The following OXNAD1 variants were observed in gnomAD, a reference collection of about 807,000 sequenced individuals.
OXNAD1 encodes the protein oxidoreductase NAD-binding domain-containing protein 1.
Under a neutral mutation model 32.9 loss-of-function variants are expected in OXNAD1, and 34 were observed. The ratio of observed to expected loss-of-function variants is 1.03; its 90% CI spans 0.79 to 1.38. The LOEUF (loss-of-function observed/expected upper bound fraction) is 1.38. Ranked by LOEUF, OXNAD1 falls within the 40% of genes most tolerant of loss-of-function variation. The pLI is 0.00. For missense variants in OXNAD1, 407 were observed against 379.4 expected (o/e 1.07, Z -0.60); for synonymous variants, 134 against 135.2 (o/e 0.99, Z 0.06).
chr3:16,327,498 G>A lies in OXNAD1; in HGVS notation c.*31-9614G>A, dbSNP rs1157813014. ...GCCCCGGCCGGGTGCTGTGGCTCAC[G>A]TCTGTAATCCCAGCACTTTGGGAGG... On this transcript the variant is annotated intron_variant, in intron 9 of 9. Transcript: ENST00000435829. The surrounding 1 kb of genome is among the most constrained non-coding windows in gnomAD (Gnocchi z 4.2). 5.3e-5 allele frequency among the ~76,000 whole-genome samples: 8 copies of A among 152,090 alleles called. No individual in the cohort carries two copies. Among genetic ancestry groups the A allele is most frequent in the Admixed American group, 5.2e-4 (8 of 15,284 alleles).
In OXNAD1 at chr3:16,287,687, A is replaced by G. The variant is rs2066164430; in HGVS notation, c.290+1239A>G. On this transcript the variant is annotated intron_variant, in intron 5 of 8. Coordinates refer to ENST00000285083, the MANE Select transcript of OXNAD1 (RefSeq NM_138381.5). The surrounding 1 kb of genome is among the most constrained non-coding windows in gnomAD (Gnocchi z 4.8). The stretch of plus-strand genomic sequence containing the variant: ...AAGACTCAGACCCAGCCTCCTGGTT[A>G]GGAAAAGCCTGTGCATTGGTTATTG... Among the ~76,000 whole-genome samples, 1 of 152,208 alleles carries G rather than the reference A, an allele frequency of 6.6e-6. No individual in the cohort carries two copies. Among genetic ancestry groups the G allele is most frequent in the South Asian group, 2.1e-4 (1 of 4,830 alleles).
At chr3:16,283,611 A>G (rs2065893364) in intron 4 of OXNAD1, among the ~76,000 whole-genome samples, 1 of 152,134 alleles carries the variant, frequency 6.6e-6, no homozygotes, top group Non-Finnish European at 1.5e-5. Context: ...TGTTGATGTC[A>G]GTTTGTGATT....
chr3:16,268,404 A>G (rs2064703106), intron 1 of OXNAD1, among the ~76,000 whole-genome samples: 2 of 133,076 alleles, frequency 1.5e-5, no homozygotes, highest in Non-Finnish European at 3.1e-5. Flanking sequence ...ATCTTGGCCC[A>G]CTGCAACCTC....
rs6777976 is a variant in OXNAD1, at chr3:16,286,402, C to G, written c.244C>G (p.Arg82Gly). 1.2e-6 allele frequency: 2 copies of G among 1,613,722 alleles called. No homozygotes were observed. Among genetic ancestry groups the G allele is most frequent in the African/African-American group, 2.7e-5 (2 of 74,846 alleles). ...TGAGTCACCGTCAGTGAAGAGCCTC[C>G]GCTTGCTTGTTGCTGATCAAGACTT... is the stretch of plus-strand genomic sequence containing the variant. ...ASESPSVKSLRLLVADQDFSF... is the reference protein window; with the variant it reads ...ASESPSVKSLGLLVADQDFSF... The change falls in exon 5 of 9, where the codon CGC becomes GGC. Residue 82 changes from arginine to glycine, a missense_variant. Transcript: ENST00000285083.
chr3:16,279,683 CA>C (rs1559735266), intron 4 of OXNAD1, among the ~76,000 whole-genome samples: 1 of 151,748 alleles, frequency 6.6e-6, no homozygotes, highest in Non-Finnish European at 1.5e-5. Context: ...TTCTTGGAGC[CA>C]GGGGGAAAAG....
Position 16,335,600 on chromosome 3 carries a change from G to T in OXNAD1, c.*31-1512G>T, listed in dbSNP as rs1224242534. 2.0e-5 allele frequency among the ~76,000 whole-genome samples: 3 copies of T among 152,114 alleles called. No homozygotes were observed. Among genetic ancestry groups the T allele is most frequent in the Non-Finnish European group, 2.9e-5 (2 of 68,014 alleles). ...TGAAAACACATGGACACATGGTGGG[G>T]AGCAACACACACTGGGACCTGTTGG... On this transcript the variant is annotated intron_variant, in intron 9 of 9. Coordinates refer to the OXNAD1 transcript ENST00000435829. The surrounding 1 kb of genome is among the most constrained non-coding windows in gnomAD (Gnocchi z 4.7).
At chr3:16,282,820 C>CTTTTTTTTT (rs11379565) in intron 4 of OXNAD1, among the ~76,000 whole-genome samples, 2 of 72,012 alleles carry the variant, frequency 2.8e-5, no homozygotes, top group Non-Finnish European at 4.9e-5. Context: ...GGACTTTCAG[C>CTTTTTTTTT]TTTTTTTTTT....
Position 16,297,524 on chromosome 3 carries a change from T to G in OXNAD1, c.432+2527T>G, listed in dbSNP as rs2066883714. Among the ~76,000 whole-genome samples, 1 of 152,204 alleles carries G rather than the reference T, an allele frequency of 6.6e-6. No homozygotes were observed. The highest frequency in any genetic ancestry group is 1.5e-5 in the Non-Finnish European group (1 of 68,032). ...GTGTCTTAGAGAAATGAAGGCTATG[T>G]TTATATAAAAGCATAACATGAATAT... On this transcript the variant is annotated intron_variant, in intron 6 of 8. Coordinates refer to ENST00000285083, the MANE Select transcript of OXNAD1 (RefSeq NM_138381.5). This position sits in a 1 kb window ranked among gnomAD's most constrained non-coding sequence, Gnocchi z 4.3.
In OXNAD1 at chr3:16,298,533, G is replaced by T. The variant is rs191017590; in HGVS notation, c.433-3093G>T. Among the ~76,000 whole-genome samples, 64 of 152,248 alleles carry T rather than the reference G, an allele frequency of 4.2e-4. No homozygotes were observed. The highest frequency in any genetic ancestry group is 1.5e-3 in the African/African-American group (61 of 41,540). On this transcript the variant is annotated intron_variant, in intron 6 of 8. Transcript: ENST00000285083. This position sits in a 1 kb window ranked among gnomAD's most constrained non-coding sequence, Gnocchi z 5.1. ...CTCTGCCCAGTGGGAGTTGCAAACA[G>T]CCTTTATGAAGTCAGATTTTTCTTG...
At chr3:16,296,809 C>A (rs2066832478) in intron 6 of OXNAD1, among the ~76,000 whole-genome samples, 1 of 152,140 alleles carries the variant, frequency 6.6e-6, no homozygotes, top group Admixed American at 6.5e-5. Flanking sequence ...CAAAAACCTT[C>A]AACCTAAACC....
Position 16,297,300 on chromosome 3 carries a change from C to T in OXNAD1, c.432+2303C>T, listed in dbSNP as rs528742539. On this transcript the variant is annotated intron_variant, in intron 6 of 8. Transcript: ENST00000285083. The surrounding 1 kb of genome is among the most constrained non-coding windows in gnomAD (Gnocchi z 4.3). Reference sequence around the variant, plus strand: ...AACCATATGTGGTGGGATGCCACTACGATCTAGTCTAATGTCTAAAATTAA... The same window carrying T: ...AACCATATGTGGTGGGATGCCACTATGATCTAGTCTAATGTCTAAAATTAA... Among the ~76,000 whole-genome samples, 2 of 152,124 alleles carry T rather than the reference C, an allele frequency of 1.3e-5. No individual in the cohort carries two copies. Among genetic ancestry groups the T allele is most frequent in the Non-Finnish European group, 1.5e-5 (1 of 68,028 alleles).
At chr3:16,333,972 G>A (rs1444966912) in intron 9 of OXNAD1, among the ~76,000 whole-genome samples, 4 of 152,102 alleles carry the variant, frequency 2.6e-5, no homozygotes, top group Non-Finnish European at 5.9e-5. Context: ...GAGACCATCC[G>A]GGCTAACACG....
rs1027699940 is a variant in OXNAD1 at position 16,327,359 on chromosome 3, A to G, written c.*31-9753A>G. Reference sequence around the variant, plus strand: ...ATCCACATGTGTGTGTACACGCAGAAGCTGCTTTGCCTGTGTTATGTGCCC... The same window carrying G: ...ATCCACATGTGTGTGTACACGCAGAGGCTGCTTTGCCTGTGTTATGTGCCC... On this transcript the variant is annotated intron_variant, in intron 9 of 9. Coordinates refer to the OXNAD1 transcript ENST00000435829. The surrounding 1 kb of genome is among the most constrained non-coding windows in gnomAD (Gnocchi z 4.2). Among the ~76,000 whole-genome samples, 1 of 152,216 alleles carries G rather than the reference A, an allele frequency of 6.6e-6. No individual in the cohort carries two copies. Among genetic ancestry groups the G allele is most frequent in the Non-Finnish European group, 1.5e-5 (1 of 68,036 alleles).
chr3:16,326,233 T>A (rs902806157), intron 9 of OXNAD1, among the ~76,000 whole-genome samples: 1 of 152,226 alleles, frequency 6.6e-6, no homozygotes, highest in African/African-American at 2.4e-5. Flanking sequence ...CCTGAAATTA[T>A]AAGGAATGCC....
intron 9 of OXNAD1, among the ~76,000 whole-genome samples, chr3:16,319,642 C>T (rs1412627880): frequency 6.6e-6 from 1 of 152,198 alleles, no homozygotes; most frequent in Non-Finnish European, 1.5e-5. Context: ...CATAGTTTCC[C>T]CTGGATGCCT....
At position 16,312,989 on chromosome 3, in the gene OXNAD1, A is replaced by T. The variant is rs2068073816; in HGVS notation, c.*30+9397A>T. ...TATACTACGCTTCAGTAGCCAATAA[A>T]TCTCAAAATCTCAGTGGCTCACCTT... On this transcript the variant is annotated intron_variant, in intron 9 of 9. Coordinates refer to the OXNAD1 transcript ENST00000435829. This position sits in a 1 kb window ranked among gnomAD's most constrained non-coding sequence, Gnocchi z 4.7. Among the ~76,000 whole-genome samples the T allele has an allele frequency of 6.6e-6, 1 of 152,010 alleles. No individual in the cohort carries two copies. The highest frequency in any genetic ancestry group is 2.1e-4 in the South Asian group (1 of 4,828).
rs11284055 is a variant in OXNAD1 at position 16,271,209 on chromosome 3, GT to G, written c.119+146del. 0.61 allele frequency: 621,694 copies of G among 1,016,096 alleles called. 195,635 individuals are homozygous for G. Among genetic ancestry groups the G allele is most frequent in the African/African-American group, 0.83 (51,431 of 61,714 alleles). The allele number at this position is 1,016,096 out of a possible 1,614,324, so 62.9% of individuals were successfully genotyped here. On this transcript the variant is annotated intron_variant, in intron 3 of 8. Transcript: ENST00000285083. This position sits in a 1 kb window ranked among gnomAD's most constrained non-coding sequence, Gnocchi z 4.6. ...TGTGCATGCTGTCAGGTTGTTAACC[GT>G]TTTTTTTGTCTGAGATGGAGTCTTG...
Position 16,336,982 on chromosome 3 carries a change from C to T in OXNAD1, c.*31-130C>T, listed in dbSNP as rs1209953953. ...AGCTCCTCCCATAAGAGGGAGAGTC[C>T]CTCTGGTCACCCCTTGAATCTTGGC... On this transcript the variant is annotated intron_variant, in intron 9 of 9. Transcript: ENST00000435829. The surrounding 1 kb of genome is among the most constrained non-coding windows in gnomAD (Gnocchi z 6.0). The T allele has an allele frequency of 6.6e-6, 1 of 152,226 alleles. No homozygotes were observed. Among genetic ancestry groups the T allele is most frequent in the Non-Finnish European group, 1.5e-5 (1 of 68,078 alleles). The allele number at this position is 152,226 out of a possible 1,614,324, so 9.4% of individuals were successfully genotyped here.
Position 16,334,215 on chromosome 3 carries a change from AT to A in OXNAD1, c.*31-2891del, listed in dbSNP as rs1235436750. ...ACAACAAAAAATACCCTGAGATACTATTTTTTCACCTATTGAACTGGTAAAA... is the reference window on the plus strand; with the variant it reads ...ACAACAAAAAATACCCTGAGATACTATTTTTCACCTATTGAACTGGTAAAA... On this transcript the variant is annotated intron_variant, in intron 9 of 9. Transcript: ENST00000435829. This position sits in a 1 kb window ranked among gnomAD's most constrained non-coding sequence, Gnocchi z 4.3. Among the ~76,000 whole-genome samples, 2 of 152,026 alleles carry A rather than the reference AT, an allele frequency of 1.3e-5. No individual in the cohort carries two copies. Among genetic ancestry groups the A allele is most frequent in the Non-Finnish European group, 2.9e-5 (2 of 67,994 alleles).
Sources: gnomAD v4.1 joint callset for allele counts (sites outside exome capture counted in the v4.1 genomes callset) on GRCh38, gnomAD v4.1.1 for gene constraint, Gnocchi (gnomAD v3.1) non-coding constraint, MANE v1.5 for transcripts, NCBI Gene and HGNC (gene_info 2026-07-23, HGNC 2026-07-21) for gene names.